Variants in DPYD observed in about 807,000 individuals in gnomAD.
DPYD encodes the protein dihydropyrimidine dehydrogenase, also known as dihydropyrimidine dehydrogenase [NADP(+)].
A neutral mutation model predicts 116.2 loss-of-function variants in DPYD; 109 were observed. The observed-to-expected ratio is 0.94, with a 90% confidence interval of 0.80 to 1.10. The LOEUF is 1.10. Ranked by LOEUF, DPYD falls within the 50% of genes least tolerant of loss-of-function variation. The pLI is 0.00. For synonymous variants in DPYD, 440 were observed against 432.0 expected (o/e 1.02, Z -0.23); for missense variants, 1,302 against 1,254.5 (o/e 1.04, Z -0.57).
intron 20 of DPYD, among the ~76,000 whole-genome samples, chr1:97,185,321 G>A (rs1403942508): frequency 6.6e-6 from 1 of 152,094 alleles, no homozygotes; most frequent in African/African-American, 2.4e-5. Context: ...AAACTAAAAA[G>A]ACTGAGAATA....
intron 14 of DPYD, among the ~76,000 whole-genome samples, chr1:97,403,514 G>T (rs1465898619): frequency 1.3e-5 from 2 of 152,150 alleles, no homozygotes; most frequent in Middle Eastern, 3.4e-3. Context: ...AGCTGATTAA[G>T]ATTGTCTATT....
intron 8 of DPYD, among the ~76,000 whole-genome samples, chr1:97,602,714 A>G (rs1285307658): frequency 6.6e-6 from 1 of 151,888 alleles, no homozygotes; most frequent in East Asian, 1.9e-4. Context: ...TCATGTCTAT[A>G]TTAGGATCTG....
intron 2 of DPYD, among the ~76,000 whole-genome samples, chr1:97,861,108 T>A (rs945523730): frequency 6.6e-6 from 1 of 152,102 alleles, no homozygotes; most frequent in Non-Finnish European, 1.5e-5. Flanking sequence ...CAATTTGAGA[T>A]CATTTCTCAA....
chr1:97,361,500 A>G (rs551283717), intron 16 of DPYD, among the ~76,000 whole-genome samples: 115 of 152,244 alleles, frequency 7.6e-4, no homozygotes, highest in Non-Finnish European at 2.4e-4. Flanking sequence ...AGACACAACA[A>G]AAAAAGAGAA....
chr1:97,259,459 C>T (rs534314086), intron 18 of DPYD, among the ~76,000 whole-genome samples: 3 of 151,990 alleles, frequency 2.0e-5, no homozygotes, highest in Admixed American at 1.3e-4. Context: ...ATTGCAGACT[C>T]GAACCCCTCC....
At chr1:97,894,031 A>G (rs948140527) in intron 1 of DPYD, among the ~76,000 whole-genome samples, 1 of 151,866 alleles carries the variant, frequency 6.6e-6, no homozygotes, top group Non-Finnish European at 1.5e-5. Flanking sequence ...TCAGGCTTTT[A>G]TAACAGAATT....
intron 14 of DPYD, among the ~76,000 whole-genome samples, chr1:97,425,074 C>T (rs1674789204): frequency 6.6e-6 from 1 of 151,922 alleles, no homozygotes; most frequent in African/African-American, 2.4e-5. Flanking sequence ...TAGGGTATCG[C>T]ATTATAAAAT....
In DPYD at chr1:97,537,276, G is replaced by A. The variant is rs192598161; in HGVS notation, c.1524+12284C>T. ...TTTTTCCCACATCATAAGCATTATT[G>A]AAGGTAGCTTTAAAATTCTTACAAC... is the stretch of plus-strand genomic sequence containing the variant. On this transcript the variant is annotated intron_variant, in intron 12 of 22. Coordinates refer to ENST00000370192, the MANE Select transcript of DPYD (RefSeq NM_000110.4). Among the ~76,000 whole-genome samples the A allele has an allele frequency of 3.9e-5, 6 of 152,218 alleles. No individual in the cohort carries two copies. The East Asian group carries it at 1.2e-3, about 29-fold the overall frequency.
At chr1:97,296,062 C>T (rs1666505680) in intron 18 of DPYD, 1 of 152,112 alleles carries the variant, frequency 6.6e-6, no homozygotes, top group African/African-American at 2.4e-5. Context: ...ACAGTCTTTC[C>T]CTTACTTTCG....
intron 13 of DPYD, among the ~76,000 whole-genome samples, chr1:97,457,382 TCTGA>T (rs1368043598): frequency 2.0e-5 from 3 of 152,146 alleles, no homozygotes; most frequent in Non-Finnish European, 2.9e-5. Context: ...TTTATTTATG[TCTGA>T]CTGATAAAAA....
In DPYD at chr1:97,557,090, A is replaced by G. The variant is rs533233053; in HGVS notation, c.1340-7346T>C. Among the ~76,000 whole-genome samples the G allele has an allele frequency of 4.6e-3, 703 of 151,214 alleles. 1 individual carries two copies. The highest frequency in any genetic ancestry group is 8.4e-3 in the Admixed American group (128 of 15,204). The stretch of plus-strand genomic sequence containing the variant: ...GTATCTCATTGTGGTTTTGATTTGC[A>G]TTTCTCTGATGGCCAGTGATGATGA... On this transcript the variant is annotated intron_variant, in intron 11 of 22. Transcript: ENST00000370192.
chr1:97,585,930 T>C (rs184131434), intron 10 of DPYD: 75 of 176,508 alleles, frequency 4.2e-4, no homozygotes, highest in African/African-American at 1.8e-3. Flanking sequence ...CAATGCACCT[T>C]CCCATGTTCA....
At chr1:97,135,447 A>T (rs1377109341) in intron 20 of DPYD, among the ~76,000 whole-genome samples, 3 of 152,192 alleles carry the variant, frequency 2.0e-5, no homozygotes, top group Non-Finnish European at 4.4e-5. Context: ...ACAGCAAAAC[A>T]TGATGTCCTG....
At chr1:97,546,044 T>C (rs770742255) in intron 12 of DPYD, 2 of 1,385,010 alleles carry the variant, frequency 1.4e-6, no homozygotes, top group Non-Finnish European at 2.1e-6. Context: ...AGGTGTTAGA[T>C]GATGAAGACA....
intron 16 of DPYD, among the ~76,000 whole-genome samples, chr1:97,361,713 A>G (rs536990382): frequency 6.6e-6 from 1 of 152,376 alleles, no homozygotes; most frequent in Admixed American, 6.5e-5. Flanking sequence ...CCATATGATT[A>G]TCTCAATAGA....
chr1:97,852,973 C>T (rs1488394103), intron 2 of DPYD, among the ~76,000 whole-genome samples: 1 of 152,108 alleles, frequency 6.6e-6, no homozygotes, highest in Non-Finnish European at 1.5e-5. Context: ...ATCCAAACCC[C>T]TTTGTATCAT....
At chr1:97,195,977 G>A (rs1358515012) in intron 19 of DPYD, among the ~76,000 whole-genome samples, 4 of 151,794 alleles carry the variant, frequency 2.6e-5, no homozygotes, top group Admixed American at 2.0e-4. Flanking sequence ...TTTTTGGTAG[G>A]TTGAGGAATG....
chr1:97,418,502 G>A (rs140281723), intron 14 of DPYD, among the ~76,000 whole-genome samples: 2,163 of 152,088 alleles, frequency 0.014, 18 homozygotes, highest in Non-Finnish European at 0.021. Context: ...GTTTCACCAT[G>A]TTAGTCAGAC....
chr1:97,196,102 T>A (rs937756492), intron 19 of DPYD, among the ~76,000 whole-genome samples: 3 of 151,636 alleles, frequency 2.0e-5, no homozygotes, highest in Non-Finnish European at 4.4e-5. Context: ...GCATTTTGCT[T>A]TTTACTTTTA....
Sources: allele counts gnomAD v4.1 joint callset (sites outside exome capture counted in the v4.1 genomes callset), GRCh38; gene constraint gnomAD v4.1.1; transcripts MANE v1.5; gene names NCBI Gene and HGNC (gene_info 2026-07-23, HGNC 2026-07-21).